The following BMPR1A variants were observed in gnomAD, a reference collection of about 807,000 sequenced individuals.
BMPR1A encodes the protein bone morphogenetic protein receptor type 1A.
In BMPR1A, 7 loss-of-function variants were observed where a neutral mutation model predicts 66.0. The ratio of observed to expected loss-of-function variants is 0.11; its 90% confidence interval spans 0.06 to 0.20. The LOEUF (loss-of-function observed/expected upper bound fraction) is 0.20, where lower values mean the gene tolerates loss of function less well. Among genes scored for constraint, BMPR1A ranks in the 10% least tolerant of loss-of-function variants. The pLI is 1.00. For missense variants in BMPR1A, 408 were observed against 669.1 expected (o/e 0.61, Z 4.31); for synonymous variants, 200 against 229.7 (o/e 0.87, Z 1.17).
intron 2 of BMPR1A, among the ~76,000 whole-genome samples, chr10:86,859,726 CTT>C (rs1182695427): frequency 6.6e-6 from 1 of 151,934 alleles, no homozygotes; most frequent in Non-Finnish European, 1.5e-5. Flanking sequence ...AGGAGAATCT[CTT>C]GAACCTGGGA....
chr10:86,804,788 AG>A (rs1341899897), intron 1 of BMPR1A, among the ~76,000 whole-genome samples: 1 of 99,222 alleles, frequency 1.0e-5, no homozygotes, highest in Non-Finnish European at 2.0e-5. Flanking sequence ...TAATGTTTGT[AG>A]GTGTTTTTTT....
chr10:86,874,709 CTTTTTTTTTTTT>C (rs200991488), intron 2 of BMPR1A, among the ~76,000 whole-genome samples: 19,000 of 92,474 alleles, frequency 0.21, 2,453 homozygotes, highest in East Asian at 0.71. Context: ...ACCCGACCTT[CTTTTTTTTTTTT>C]TTTTTTTTTT....
At chr10:86,841,523 A>G (rs1255721105) in intron 2 of BMPR1A, among the ~76,000 whole-genome samples, 1 of 151,934 alleles carries the variant, frequency 6.6e-6, no homozygotes, top group Non-Finnish European at 1.5e-5. Context: ...ATATTTGAGC[A>G]GAGTCTTGAT....
At chr10:86,765,146 G>T (rs373369793) in intron 1 of BMPR1A, among the ~76,000 whole-genome samples, 3 of 152,034 alleles carry the variant, frequency 2.0e-5, no homozygotes, top group South Asian at 2.1e-4. Flanking sequence ...TACTGCCTTT[G>T]ACTTTCCTTT....
intron 1 of BMPR1A, among the ~76,000 whole-genome samples, chr10:86,780,018 A>G (rs1429404090): frequency 1.3e-5 from 2 of 151,932 alleles, no homozygotes; most frequent in East Asian, 1.9e-4. Context: ...GTATCCTCCC[A>G]CCTTGGCCTC....
intron 1 of BMPR1A, among the ~76,000 whole-genome samples, chr10:86,791,286 C>G (rs953030301): frequency 6.6e-6 from 1 of 151,400 alleles, no homozygotes; most frequent in African/African-American, 2.4e-5. Context: ...GATCTCGGCT[C>G]ACTGCAAGCT....
chr10:86,836,033 A>C (rs569644090), intron 1 of BMPR1A, among the ~76,000 whole-genome samples: 1 of 152,160 alleles, frequency 6.6e-6, no homozygotes, highest in African/African-American at 2.4e-5. Context: ...CTTCTTTTTA[A>C]TGTGTTTTCT....
At chr10:86,868,132 A>T (rs1842807871) in intron 2 of BMPR1A, among the ~76,000 whole-genome samples, 1 of 152,168 alleles carries the variant, frequency 6.6e-6, no homozygotes, top group Admixed American at 6.5e-5. Context: ...CTCCTGGCCC[A>T]CGGGCATTAT....
chr10:86,929,165 TA>T (rs1843785188), downstream of BMPR1A: 1 of 152,192 alleles, frequency 6.6e-6, no homozygotes, highest in African/African-American at 2.4e-5. Context: ...TTTATTTTCT[TA>T]TATTACATTT....
At chr10:86,929,645 A>C (rs993949769), downstream of BMPR1A, 1 of 152,254 alleles carries the variant, frequency 6.6e-6, no homozygotes, top group South Asian at 2.1e-4. Flanking sequence ...TCTCAGAATA[A>C]TCGCAGGCGC....
chr10:86,915,104 C>A (rs1347419237), intron 8 of BMPR1A, among the ~76,000 whole-genome samples: 1 of 152,162 alleles, frequency 6.6e-6, no homozygotes, highest in Admixed American at 6.5e-5. Context: ...ATGAAAGAAG[C>A]CAGACACAAA....
intron 1 of BMPR1A, among the ~76,000 whole-genome samples, chr10:86,772,753 T>C (rs7088641): frequency 0.27 from 40,404 of 151,978 alleles, 6,796 homozygotes; most frequent in East Asian, 0.69. Flanking sequence ...GGTTATGGCA[T>C]GTAGACGTCT....
intron 1 of BMPR1A, among the ~76,000 whole-genome samples, chr10:86,792,172 A>G (rs185898218): frequency 2.2e-3 from 306 of 142,220 alleles, no homozygotes; most frequent in Non-Finnish European, 3.6e-3. Flanking sequence ...GGTTCAAGCA[A>G]TTCTCCTACC....
intron 1 of BMPR1A, among the ~76,000 whole-genome samples, chr10:86,767,310 C>T (rs1222278450): frequency 6.6e-6 from 1 of 152,192 alleles, no homozygotes; most frequent in East Asian, 1.9e-4. Flanking sequence ...AGTACACATG[C>T]ATGCTTTGTA....
Position 86,924,536 on chromosome 10 carries a change from T to A in BMPR1A, c.*817T>A, listed in dbSNP as rs1843713702. 1 of 233,562 alleles carries A rather than the reference T, an allele frequency of 4.3e-6. No individual in the cohort carries two copies. The highest frequency in any genetic ancestry group is 8.5e-6 in the Non-Finnish European group (1 of 118,080). 14.5% of individuals were successfully genotyped at this position (233,562 alleles called of 1,614,324 possible). ...ACCATTTTTTTTGTGGTTATTATTT[T>A]TGTCACGGAAAGCATCCTCTCCAAA... On this transcript the variant is annotated 3_prime_UTR_variant, in exon 13 of 13. Coordinates refer to ENST00000372037, the MANE Select transcript of BMPR1A (RefSeq NM_004329.3).
intron 1 of BMPR1A, among the ~76,000 whole-genome samples, chr10:86,801,001 C>T (rs565644717): frequency 1.5e-4 from 23 of 152,276 alleles, no homozygotes; most frequent in Non-Finnish European, 2.9e-4. Context: ...GTATGTTTTG[C>T]ATGACAGTAA....
At chr10:86,845,833 T>C (rs1204982429) in intron 2 of BMPR1A, among the ~76,000 whole-genome samples, 1 of 151,820 alleles carries the variant, frequency 6.6e-6, no homozygotes, top group African/African-American at 2.4e-5. Flanking sequence ...CCGTCTCTAC[T>C]AAAAATACAA....
chr10:86,757,046 C>G (rs1847882662), intron 1 of BMPR1A, 127 bp downstream of exon 1: 1 of 150,730 alleles, frequency 6.6e-6, no homozygotes, highest in Non-Finnish European at 1.5e-5. Context: ...CGGCCCGGCC[C>G]CGGCAGCTCC....
chr10:86,819,085 G>A (rs1311312867), intron 1 of BMPR1A, among the ~76,000 whole-genome samples: 1 of 152,106 alleles, frequency 6.6e-6, no homozygotes, highest in African/African-American at 2.4e-5. Context: ...ACAGTACTCA[G>A]CTCTTACCTC....
Sources: allele counts gnomAD v4.1 joint callset (sites outside exome capture counted in the v4.1 genomes callset), GRCh38; gene constraint gnomAD v4.1.1; transcripts MANE v1.5; gene names NCBI Gene and HGNC (gene_info 2026-07-23, HGNC 2026-07-21).